RADIL: variants seen among roughly 807,000 people sequenced by gnomAD.
RADIL encodes Rap associating with DIL domain.
RADIL carries 99 observed loss-of-function variants against 97.6 expected under a neutral mutation model. The observed-to-expected ratio is 1.01, with a 90% confidence interval of 0.86 to 1.20. The LOEUF (loss-of-function observed/expected upper bound fraction) is 1.20. RADIL is among the 50% of genes most tolerant of loss of function. The pLI is 0.00. For synonymous variants in RADIL, 803 were observed against 691.8 expected (o/e 1.16, Z -2.52); for missense variants, 1,765 against 1,498.9 (o/e 1.18, Z -2.93).
chr7:4,856,232 A>G (rs1783827649), intron 2 of RADIL, among the ~76,000 whole-genome samples: 1 of 151,920 alleles, frequency 6.6e-6, no homozygotes, highest in Non-Finnish European at 1.5e-5. Flanking sequence ...TGGGACTGAC[A>G]GGTACATGCT....
At chr7:4,882,585 G>A (rs1784508805) in intron 1 of RADIL, among the ~76,000 whole-genome samples, 1 of 152,166 alleles carries the variant, frequency 6.6e-6, no homozygotes, top group African/African-American at 2.4e-5. Flanking sequence ...GCTCCAACAG[G>A]ACAATGTGGA....
chr7:4,805,627 G>T lies in RADIL; in HGVS notation c.2229C>A (p.Ala743=). 6.2e-7 allele frequency: 1 copy of T among 1,611,758 alleles called. No homozygotes were observed. ...RLLTHYQLAS[A]MGPMSTWEPG... is the part of the protein sequence containing the mutation. ...GCTCCCAGGTGCTCATGGGGCCCAT[G>T]GCCGAGGCCAGCTGGTAGTGAGTCA... Residue 743 remains alanine (A), a synonymous_variant, in exon 10 of 15, where the codon GCC becomes GCA. Transcript: ENST00000399583.
rs1279262467 is a variant in RADIL at position 4,835,749 on chromosome 7, G to C, written c.784-510C>G. 6.6e-6 allele frequency among the ~76,000 whole-genome samples: 1 copy of C among 152,108 alleles called. No individual in the cohort carries two copies. The highest frequency in any genetic ancestry group is 2.4e-5 in the African/African-American group (1 of 41,438). On this transcript the variant is annotated intron_variant, in intron 3 of 14. Coordinates refer to ENST00000399583, the MANE Select transcript of RADIL (RefSeq NM_018059.5). The surrounding 1 kb of genome is among the most constrained non-coding windows in gnomAD (Gnocchi z 5.8). Reference sequence around the variant, plus strand: ...CATGGAAATGAGCAGCAAAGGAGCTGGCTGCACAGGAGGGCGGGGGTAGGG... The same window carrying C: ...CATGGAAATGAGCAGCAAAGGAGCTCGCTGCACAGGAGGGCGGGGGTAGGG...
Position 4,851,754 on chromosome 7 carries a change from C to CA in RADIL, c.536-15150dup, listed in dbSNP as rs1211174103. Reference sequence around the variant, plus strand: ...AGAGAGAAATTAAAGAACTGTTCAGCAAAAAAAGAACCAGGACTGGACAAG... The same window carrying CA: ...AGAGAGAAATTAAAGAACTGTTCAGCAAAAAAAAGAACCAGGACTGGACAAG... On this transcript the variant is annotated intron_variant, in intron 2 of 14. Transcript: ENST00000399583. Among the ~76,000 whole-genome samples, 5 of 152,120 alleles carry CA rather than the reference C, an allele frequency of 3.3e-5. No individual in the cohort carries two copies. In the East Asian group the frequency reaches 7.7e-4, roughly 23 times the overall value.
At chr7:4,823,352 T>A (rs865955400) in intron 5 of RADIL, among the ~76,000 whole-genome samples, 38 of 142,082 alleles carry the variant, frequency 2.7e-4, no homozygotes, top group Middle Eastern at 3.8e-3. Flanking sequence ...TTTTTTTTTT[T>A]AGAGACAGGG....
intron 2 of RADIL, chr7:4,859,661 G>T: frequency 1.9e-6 from 1 of 522,178 alleles, no homozygotes; most frequent in Non-Finnish European, 3.4e-6. Flanking sequence ...CCTTGAGGTT[G>T]TTTTTAACCA....
Position 4,872,492 on chromosome 7 carries a change from T to G in RADIL, c.535+5113A>C, listed in dbSNP as rs1434641803. Among the ~76,000 whole-genome samples the G allele has an allele frequency of 6.6e-6, 1 of 151,150 alleles. No individual in the cohort carries two copies. The highest frequency in any genetic ancestry group is 1.5e-5 in the Non-Finnish European group (1 of 67,916). On this transcript the variant is annotated intron_variant, in intron 2 of 14. Transcript: ENST00000399583. This position sits in a 1 kb window ranked among gnomAD's most constrained non-coding sequence, Gnocchi z 5.8. Reference sequence around the variant, plus strand: ...CCCTGACAAAAACCACATGGCCCTGTCATCGCCCCTCCCCAGTGCATCTAA... The same window carrying G: ...CCCTGACAAAAACCACATGGCCCTGGCATCGCCCCTCCCCAGTGCATCTAA...
intron 5 of RADIL, among the ~76,000 whole-genome samples, chr7:4,826,694 C>A (rs1203431608): frequency 6.8e-6 from 1 of 146,604 alleles, no homozygotes; most frequent in African/African-American, 2.5e-5. Flanking sequence ...GATCGAGCCA[C>A]TATACTCCAG....
intron 6 of RADIL, among the ~76,000 whole-genome samples, chr7:4,820,427 C>T (rs904456581): frequency 1.3e-5 from 2 of 152,210 alleles, no homozygotes; most frequent in African/African-American, 4.8e-5. Context: ...GAGGAAAGGT[C>T]TACCCTAGGC....
In RADIL at chr7:4,815,440, C is replaced by A; in HGVS notation, c.1977G>T (p.Leu659=). 1 of 1,525,936 alleles carries A rather than the reference C, an allele frequency of 6.6e-7. No individual in the cohort carries two copies. The highest frequency in any genetic ancestry group is 8.8e-7 in the Non-Finnish European group (1 of 1,133,468). 94.5% of individuals were successfully genotyped at this position (1,525,936 alleles called of 1,614,324 possible). ...LNQLLDRGPS[L]SCFHWPRGVQ... ...CACCTCTGGGCCAGTGGAAGCAGCT[C>A]AGGGAGGGGCCTGTGGAGGGAAGAA... is the stretch of plus-strand genomic sequence containing the variant. The change falls in exon 9 of 15, where the codon CTG becomes CTT. Residue 659 remains leucine (L), a synonymous_variant. Coordinates refer to ENST00000399583, the MANE Select transcript of RADIL (RefSeq NM_018059.5). The surrounding 1 kb of genome is among the most constrained non-coding windows in gnomAD (Gnocchi z 8.0).
intron 2 of RADIL, among the ~76,000 whole-genome samples, chr7:4,847,020 A>G (rs1369490337): frequency 6.6e-6 from 1 of 151,900 alleles, no homozygotes; most frequent in Non-Finnish European, 1.5e-5. Context: ...TACCATGGTT[A>G]TAATAAAAAA....
chr7:4,880,505 C>G lies in RADIL; in HGVS notation c.-64-2302G>C, dbSNP rs1438335155. The stretch of plus-strand genomic sequence containing the variant: ...CACAGAACAAAACCCCTCAAAGAGC[C>G]TCTCCAGCCGGCACTTATTAACCAT... On this transcript the variant is annotated intron_variant, in intron 1 of 14. Coordinates refer to ENST00000399583, the MANE Select transcript of RADIL (RefSeq NM_018059.5). The surrounding 1 kb of genome is among the most constrained non-coding windows in gnomAD (Gnocchi z 4.5). 6.6e-6 allele frequency among the ~76,000 whole-genome samples: 1 copy of G among 152,218 alleles called. No individual in the cohort carries two copies. Among genetic ancestry groups the G allele is most frequent in the Non-Finnish European group, 1.5e-5 (1 of 68,046 alleles).
Position 4,801,776 on chromosome 7 carries a change from T to C in RADIL, c.2719A>G (p.Ser907Gly), listed in dbSNP as rs554468806. 5.4e-5 allele frequency: 87 copies of C among 1,610,128 alleles called. 1 individual carries two copies. Among genetic ancestry groups the C allele is most frequent in the Middle Eastern group, 3.3e-4 (2 of 6,050 alleles). The change falls in exon 12 of 15, where the codon AGC becomes GGC. Residue 907 changes from serine (S) to glycine (G), a missense_variant. Transcript: ENST00000399583. ...TDSSCLLTPP[S>G]TPLGPEPGDP... ...CCAGGCTCAGGGCCAAGTGGAGTGCTGGGAGGCGTGAGCAAGCAGGACGAG... is the reference window on the plus strand; with the variant it reads ...CCAGGCTCAGGGCCAAGTGGAGTGCCGGGAGGCGTGAGCAAGCAGGACGAG...
In RADIL at chr7:4,817,192, T is replaced by C; in HGVS notation, c.1728+47A>G. Reference sequence around the variant, plus strand: ...CACAGGCACAAGCTTGAGCCCCACTTGATCCCAGGAGCTGCCTGAGTGCAG... The same window carrying C: ...CACAGGCACAAGCTTGAGCCCCACTCGATCCCAGGAGCTGCCTGAGTGCAG... On this transcript the variant is annotated intron_variant, in intron 7 of 14. Coordinates refer to ENST00000399583, the MANE Select transcript of RADIL (RefSeq NM_018059.5). This position sits in a 1 kb window ranked among gnomAD's most constrained non-coding sequence, Gnocchi z 8.3. The C allele has an allele frequency of 6.5e-7, 1 of 1,540,786 alleles. No homozygotes were observed. The highest frequency in any genetic ancestry group is 2.3e-5 in the East Asian group (1 of 43,636).
chr7:4,877,549 C>T lies in RADIL; in HGVS notation c.535+56G>A, dbSNP rs527236719. 3.9e-6 allele frequency: 6 copies of T among 1,529,656 alleles called. No homozygotes were observed. The South Asian group carries it at 5.2e-5, about 13-fold the overall frequency. 94.8% of individuals were successfully genotyped at this position (1,529,656 alleles called of 1,614,324 possible). On this transcript the variant is annotated intron_variant, in intron 2 of 14. Transcript: ENST00000399583. ...ACCACTCCTTCTCCGCCTACCTCGG[C>T]TGGCCTTCTCAGCGCTCAGACCCAC...
intron 2 of RADIL, among the ~76,000 whole-genome samples, chr7:4,862,891 C>CT (rs1252732842): frequency 1.4e-5 from 2 of 139,854 alleles, no homozygotes; most frequent in African/African-American, 5.7e-5. Flanking sequence ...GAGTGAAACT[C>CT]TGTCTCAAAA....
At chr7:4,800,694 C>T (rs565213582) in intron 12 of RADIL, among the ~76,000 whole-genome samples, 8 of 152,296 alleles carry the variant, frequency 5.3e-5, no homozygotes, top group African/African-American at 1.9e-4. Context: ...GGGTTCCCAC[C>T]GCTGACCAGA....
At position 4,854,884 on chromosome 7, in the gene RADIL, T is replaced by C. The variant is rs941790316; in HGVS notation, c.536-18279A>G. ...ACCCTCCCAAGCACATCTTCCTGCC[T>C]GTCCCCACCTCTCACCCCACCAAAG... On this transcript the variant is annotated intron_variant, in intron 2 of 14. Coordinates refer to ENST00000399583, the MANE Select transcript of RADIL (RefSeq NM_018059.5). This position sits in a 1 kb window ranked among gnomAD's most constrained non-coding sequence, Gnocchi z 5.1. 6.6e-5 allele frequency among the ~76,000 whole-genome samples: 10 copies of C among 152,228 alleles called. No individual in the cohort carries two copies. Among genetic ancestry groups the C allele is most frequent in the African/African-American group, 2.4e-4 (10 of 41,462 alleles).
rs943430382 is a variant in RADIL at position 4,808,518 on chromosome 7, A to C, written c.2140-2802T>G. 10 of 936,998 alleles carry C rather than the reference A, an allele frequency of 1.1e-5. No homozygotes were observed. The African/African-American group carries it at 1.8e-4, about 17-fold the overall frequency. 58.0% of individuals were successfully genotyped at this position (936,998 alleles called of 1,614,324 possible). A position where few individuals can be genotyped will look rare whatever the true frequency, so the allele number is the denominator to read the frequency against. ...AGCTAGAAATGGTTTTCACGTTTTT[A>C]AAGGGTTTGAGAAAAACAAAACAAA... On this transcript the variant is annotated intron_variant, in intron 9 of 14. Transcript: ENST00000399583.
Sources: gnomAD v4.1 joint callset for allele counts (sites outside exome capture counted in the v4.1 genomes callset) on GRCh38, gnomAD v4.1.1 for gene constraint, Gnocchi (gnomAD v3.1) non-coding constraint, MANE v1.5 for transcripts, NCBI Gene and HGNC (gene_info 2026-07-23, HGNC 2026-07-21) for gene names.